CAMK2D: variants seen among roughly 807,000 people sequenced by gnomAD.
The protein encoded by CAMK2D is calcium/calmodulin dependent protein kinase II delta.
A neutral mutation model predicts 84.0 loss-of-function variants in CAMK2D; 37 were observed. The ratio of observed to expected loss-of-function variants is 0.44; its 90% confidence interval spans 0.34 to 0.58. The LOEUF is 0.58. Among genes scored for constraint, CAMK2D ranks in the 20% least tolerant of loss-of-function variants. The probability of loss-of-function intolerance (pLI) is 0.02; values close to 1 mark genes in which losing one functional copy is unlikely to be tolerated. For missense variants in CAMK2D, 448 were observed against 652.5 expected (o/e 0.69, Z 3.41); for synonymous variants, 202 against 212.5 (o/e 0.95, Z 0.43).
intron 4 of CAMK2D, among the ~76,000 whole-genome samples, chr4:113,597,808 T>A (rs994267607): frequency 6.6e-6 from 1 of 152,228 alleles, no homozygotes; most frequent in Non-Finnish European, 1.5e-5. Context: ...ATGAGAGATG[T>A]GTGACTCTTC....
intron 3 of CAMK2D, among the ~76,000 whole-genome samples, chr4:113,649,189 A>C (rs13118743): frequency 0.097 from 14,693 of 151,904 alleles, 1,176 homozygotes; most frequent in East Asian, 0.28. Context: ...ACCTACATTC[A>C]CTCCAGAGAC....
rs2099641082 is a variant in CAMK2D at position 113,761,385 on chromosome 4, T to C, written c.-317A>G. 1 of 1,280,524 alleles carries C rather than the reference T, an allele frequency of 7.8e-7. No individual in the cohort carries two copies. The highest frequency in any genetic ancestry group is 1.0e-6 in the Non-Finnish European group (1 of 1,004,418). The allele number at this position is 1,280,524 out of a possible 1,614,324, so 79.3% of individuals were successfully genotyped here. On this transcript the variant is annotated 5_prime_UTR_variant, in exon 1 of 21. Coordinates refer to ENST00000511664, the MANE Select transcript of CAMK2D (RefSeq NM_001321571.2). ...TCCCCAAATGCAGGGGGTAAAGTACTCAAGAAGAGGGGGCCGGGAAATGGA... is the reference window on the plus strand; with the variant it reads ...TCCCCAAATGCAGGGGGTAAAGTACCCAAGAAGAGGGGGCCGGGAAATGGA...
intron 2 of CAMK2D, among the ~76,000 whole-genome samples, chr4:113,723,876 A>G (rs182082830): frequency 5.3e-5 from 8 of 152,100 alleles, no homozygotes; most frequent in African/African-American, 1.4e-4. Context: ...ATTTTTAAAA[A>G]CCTTCTGTTT....
chr4:113,623,911 G>A (rs2099056983), intron 3 of CAMK2D, among the ~76,000 whole-genome samples: 1 of 152,078 alleles, frequency 6.6e-6, no homozygotes, highest in African/African-American at 2.4e-5. Flanking sequence ...TTCTCATTGT[G>A]TATTAAATAT....
chr4:113,718,337 G>C (rs1192092467), intron 2 of CAMK2D, among the ~76,000 whole-genome samples: 1 of 152,160 alleles, frequency 6.6e-6, no homozygotes, highest in Non-Finnish European at 1.5e-5. Flanking sequence ...TCAGGTCAGA[G>C]ATGAAATCAC....
rs1040049799 is a variant in CAMK2D at position 113,494,473 on chromosome 4, C to G, written c.1135+5990G>C. 4.2e-4 allele frequency among the ~76,000 whole-genome samples: 64 copies of G among 152,258 alleles called. 1 individual carries two copies. Among genetic ancestry groups the G allele is most frequent in the African/African-American group, 1.3e-3 (52 of 41,542 alleles). ...GCTCGGGGGTCAGGGGTCAGGGACCCACTTGAGGAGGCAGTCTGCCTGTTC... is the reference window on the plus strand; with the variant it reads ...GCTCGGGGGTCAGGGGTCAGGGACCGACTTGAGGAGGCAGTCTGCCTGTTC... On this transcript the variant is annotated intron_variant, in intron 16 of 20. Coordinates refer to ENST00000511664, the MANE Select transcript of CAMK2D (RefSeq NM_001321571.2).
intron 4 of CAMK2D, among the ~76,000 whole-genome samples, chr4:113,573,182 CCA>C (rs1432275150): frequency 6.6e-6 from 1 of 152,146 alleles, no homozygotes; most frequent in East Asian, 1.9e-4. Context: ...AAATGTACCC[CCA>C]AACCTAAAAT....
intron 4 of CAMK2D, among the ~76,000 whole-genome samples, chr4:113,574,597 C>T (rs766774401): frequency 6.6e-6 from 1 of 152,164 alleles, no homozygotes; most frequent in Non-Finnish European, 1.5e-5. Flanking sequence ...ACTTCTTTTT[C>T]ACTTTTAATG....
chr4:113,761,181 T>C lies in CAMK2D; in HGVS notation c.-113A>G, dbSNP rs2149199462. The C allele has an allele frequency of 1.4e-6, 2 of 1,471,406 alleles. No homozygotes were observed. Among genetic ancestry groups the C allele is most frequent in the South Asian group, 2.2e-5 (2 of 88,916 alleles). The allele number at this position is 1,471,406 out of a possible 1,614,324, so 91.1% of individuals were successfully genotyped here. On this transcript the variant is annotated 5_prime_UTR_variant, in exon 1 of 21. Coordinates refer to ENST00000511664, the MANE Select transcript of CAMK2D (RefSeq NM_001321571.2). ...CTGTCACCCAGGGCCGCTCTTACTT[T>C]CCTGGTCCGAAAGTAGCTCGCCCGC...
intron 2 of CAMK2D, among the ~76,000 whole-genome samples, chr4:113,682,659 T>A (rs1157702477): frequency 6.6e-6 from 1 of 152,162 alleles, no homozygotes; most frequent in African/African-American, 2.4e-5. Context: ...CTTTCTCACA[T>A]CTATTTTACT....
chr4:113,622,123 T>A (rs546638861), intron 3 of CAMK2D, among the ~76,000 whole-genome samples: 105 of 152,192 alleles, frequency 6.9e-4, no homozygotes, highest in Non-Finnish European at 1.3e-3. Flanking sequence ...CCATTTAACA[T>A]CCCCTGTGTC....
At chr4:113,612,803 G>A (rs1397322250) in intron 3 of CAMK2D, among the ~76,000 whole-genome samples, 1 of 152,142 alleles carries the variant, frequency 6.6e-6, no homozygotes. Flanking sequence ...CTTTAAGTAT[G>A]GAATTTATAA....
chr4:113,759,812 G>A (rs1374276715), intron 1 of CAMK2D, among the ~76,000 whole-genome samples: 3 of 152,090 alleles, frequency 2.0e-5, no homozygotes, highest in Non-Finnish European at 1.5e-5. Flanking sequence ...AAATTAATGT[G>A]GTTCCAAGTA....
rs999433146 is a variant in CAMK2D, at chr4:113,761,574, G to C, written c.-506C>G. The C allele has an allele frequency of 1.0e-6, 1 of 985,300 alleles. No individual in the cohort carries two copies. Among genetic ancestry groups the C allele is most frequent in the Non-Finnish European group, 1.2e-6 (1 of 829,846 alleles). 61.0% of individuals were successfully genotyped at this position (985,300 alleles called of 1,614,324 possible). On this transcript the variant is annotated 5_prime_UTR_variant, in exon 1 of 21. Coordinates refer to ENST00000511664, the MANE Select transcript of CAMK2D (RefSeq NM_001321571.2). ...GGACAGCCTGAGCCCAGCGGCCGCT[G>C]TCAGCAGGCTCAGGCGCGGGGCGCG... is the stretch of plus-strand genomic sequence containing the variant.
At chr4:113,468,290 C>G (rs2097502507) in intron 16 of CAMK2D, among the ~76,000 whole-genome samples, 1 of 152,198 alleles carries the variant, frequency 6.6e-6, no homozygotes, top group African/African-American at 2.4e-5. Flanking sequence ...TGCCTTCTCT[C>G]ACTTCTTATG....
chr4:113,492,132 T>A (rs1590092507), intron 16 of CAMK2D, among the ~76,000 whole-genome samples: 1 of 152,138 alleles, frequency 6.6e-6, no homozygotes, highest in Non-Finnish European at 1.5e-5. Flanking sequence ...TTTTTGTGTC[T>A]CTATTTCCTT....
At chr4:113,649,815 C>T (rs1561594955) in intron 3 of CAMK2D, among the ~76,000 whole-genome samples, 1 of 152,166 alleles carries the variant, frequency 6.6e-6, no homozygotes, top group Non-Finnish European at 1.5e-5. Context: ...GGCGTGGTGG[C>T]TCATGCCTGT....
intron 4 of CAMK2D, among the ~76,000 whole-genome samples, chr4:113,579,710 C>G (rs2154239613): frequency 6.6e-6 from 1 of 152,260 alleles, no homozygotes; most frequent in South Asian, 2.1e-4. Context: ...AACTATGAGC[C>G]AAAATAAACC....
intron 2 of CAMK2D, among the ~76,000 whole-genome samples, chr4:113,723,909 C>A (rs2099538462): frequency 6.6e-6 from 1 of 152,056 alleles, no homozygotes; most frequent in Non-Finnish European, 1.5e-5. Context: ...TTTACTTTTT[C>A]TTTATGAAGT....
Sources: gnomAD v4.1 joint callset for allele counts (sites outside exome capture counted in the v4.1 genomes callset) on GRCh38, gnomAD v4.1.1 for gene constraint, MANE v1.5 for transcripts, NCBI Gene and HGNC (gene_info 2026-07-23, HGNC 2026-07-21) for gene names.